KBTBD11: variants seen among roughly 807,000 people sequenced by gnomAD.
KBTBD11 encodes kelch repeat and BTB domain containing 11, also known as kelch repeat and BTB domain-containing protein 11.
For synonymous variants in KBTBD11, 747 were observed against 499.0 expected, an observed-to-expected ratio of 1.50 and a Z score of -6.63; for missense variants, 1,390 against 1,001.8, an observed-to-expected ratio of 1.39 and a Z score of -5.23.
At chr8:1,987,780 C>CT (rs1423502622) in intron 1 of KBTBD11, among the ~76,000 whole-genome samples, 1 of 151,914 alleles carries the variant, frequency 6.6e-6, no homozygotes, top group Non-Finnish European at 1.5e-5. Flanking sequence ...ATGTGCACAA[C>CT]TTGCAGGTTG....
Position 2,001,868 on chromosome 8 carries a change from G to T in KBTBD11, c.676G>T (p.Ala226Ser). 1 of 1,309,902 alleles carries T rather than the reference G, an allele frequency of 7.6e-7. No homozygotes were observed. The highest frequency in any genetic ancestry group is 9.8e-7 in the Non-Finnish European group (1 of 1,020,874). 81.1% of individuals were successfully genotyped at this position (1,309,902 alleles called of 1,614,324 possible). A position where few individuals can be genotyped will look rare whatever the true frequency, so the allele number is the denominator to read the frequency against. Residue 226 changes from alanine to serine, a missense_variant, in exon 2 of 2, where the codon GCC (alanine) becomes TCC (serine). Ala to Ser is a moderately conservative substitution (Grantham distance 99). Coordinates refer to ENST00000320248, the MANE Select transcript of KBTBD11 (RefSeq NM_014867.3). ...CGGCGCCGCGCAGCGCGCCACCGAC[G>T]CCGTGGGGCCGCAGCTGAGCCTGGC... The part of the protein sequence containing the change: ...LPGAAQRATD[A>S]VGPQLSLANC...
chr8:2,002,623 CGACGAGTGGCAG>C lies in KBTBD11; in HGVS notation c.1434_1445del (p.Asp478_Gln481del), dbSNP rs1563381654. 4 of 1,583,370 alleles carry C rather than the reference CGACGAGTGGCAG, an allele frequency of 2.5e-6. No homozygotes were observed. Among genetic ancestry groups the C allele is most frequent in the Non-Finnish European group, 3.4e-6 (4 of 1,173,558 alleles). ...GCCTGCTCAAGTATGACCCGCGGCG[CGACGAGTGGCAG>C]GAGTGCCCGTGCAGCAGCAGCCGCG... On this transcript the variant is annotated inframe_deletion, in exon 2 of 2. Coordinates refer to ENST00000320248, the MANE Select transcript of KBTBD11 (RefSeq NM_014867.3). The surrounding 1 kb of genome is among the most constrained non-coding windows in gnomAD (Gnocchi z 4.1).
chr8:1,993,577 C>G (rs1433648977), intron 1 of KBTBD11, among the ~76,000 whole-genome samples: 3 of 144,876 alleles, frequency 2.1e-5, no homozygotes, highest in Non-Finnish European at 4.5e-5. Flanking sequence ...ATCCATCCAT[C>G]CATCCATCCA....
At chr8:1,981,389 C>T (rs1327678501) in intron 1 of KBTBD11, among the ~76,000 whole-genome samples, 4 of 152,180 alleles carry the variant, frequency 2.6e-5, no homozygotes, top group Non-Finnish European at 5.9e-5. Flanking sequence ...CGGTTGAATT[C>T]ACAATACTCT....
chr8:2,002,482 G>C lies in KBTBD11; in HGVS notation c.1290G>C (p.Pro430=). Residue 430 remains proline (P), a synonymous_variant, in exon 2 of 2, where the codon CCG becomes CCC. Transcript: ENST00000320248. This position sits in a 1 kb window ranked among gnomAD's most constrained non-coding sequence, Gnocchi z 4.1. The stretch of plus-strand genomic sequence containing the variant: ...TGCTCAGCGTGGAGCGCTACGACCC[G>C]CGCGCCGACCGCTGGGCCCCCGTGG... ...ECLLSVERYD[P]RADRWAPVAP... 2.0e-6 allele frequency: 3 copies of C among 1,508,096 alleles called. No individual in the cohort carries two copies. Among genetic ancestry groups the C allele is most frequent in the East Asian group, 2.6e-5 (1 of 38,610 alleles). 93.4% of individuals were successfully genotyped at this position (1,508,096 alleles called of 1,614,324 possible). A position where few individuals can be genotyped will look rare whatever the true frequency, so the allele number is the denominator to read the frequency against.
chr8:1,992,310 G>A (rs1384129757), intron 1 of KBTBD11, among the ~76,000 whole-genome samples: 1 of 152,092 alleles, frequency 6.6e-6, no homozygotes, highest in Non-Finnish European at 1.5e-5. Flanking sequence ...CACAGTTCCT[G>A]CACACAGTAC....
intron 1 of KBTBD11, chr8:1,974,339 C>A (rs543421489): frequency 7.2e-4 from 713 of 984,592 alleles, no homozygotes; most frequent in African/African-American, 6.8e-3. Context: ...GTCACCGCCC[C>A]CGCCGAGGGT....
Position 2,004,336 on chromosome 8 carries a change from C to T in KBTBD11, c.*1272C>T, listed in dbSNP as rs942875560. Reference sequence around the variant, plus strand: ...ACTTTTCAAGTGTGTATACAGAGGACTTACTATTATGACTTTGAGGATGAG... The same window carrying T: ...ACTTTTCAAGTGTGTATACAGAGGATTTACTATTATGACTTTGAGGATGAG... On this transcript the variant is annotated 3_prime_UTR_variant, in exon 2 of 2. Transcript: ENST00000320248. 5 of 166,776 alleles carry T rather than the reference C, an allele frequency of 3.0e-5. No homozygotes were observed. Among genetic ancestry groups the T allele is most frequent in the Non-Finnish European group, 7.3e-5 (5 of 68,116 alleles). The allele number at this position is 166,776 out of a possible 1,614,324, so 10.3% of individuals were successfully genotyped here. A position where few individuals can be genotyped will look rare whatever the true frequency, so the allele number is the denominator to read the frequency against.
rs561621278 is a variant in KBTBD11 at position 2,006,850 on chromosome 8, T to A, written c.*3786T>A. ...TAATGTATTTATTAATGCTTGACTT[T>A]TAAAATCCTGGGCATAAATAGTGCA... On this transcript the variant is annotated 3_prime_UTR_variant, in exon 2 of 2. Transcript: ENST00000320248. The A allele has an allele frequency of 1.8e-5, 3 of 167,204 alleles. No homozygotes were observed. In the East Asian group the frequency reaches 5.8e-4, roughly 32 times the overall value. The allele number at this position is 167,204 out of a possible 1,614,324, so 10.4% of individuals were successfully genotyped here.
chr8:1,985,481 C>T (rs1239493787), intron 1 of KBTBD11, among the ~76,000 whole-genome samples: 1 of 152,278 alleles, frequency 6.6e-6, no homozygotes, highest in African/African-American at 2.4e-5. Flanking sequence ...TGGCGCCCGG[C>T]GCCCGGCAAG....
rs1817474445 is a variant in KBTBD11 at position 2,003,420 on chromosome 8, G to C, written c.*356G>C. On this transcript the variant is annotated 3_prime_UTR_variant, in exon 2 of 2. Transcript: ENST00000320248. ...TGTCCCGAACCCCGCAGAGCACCGA[G>C]GCTGTGCGCAGGAGCCTGGGACCCT... 1 of 218,520 alleles carries C rather than the reference G, an allele frequency of 4.6e-6. No homozygotes were observed. Among genetic ancestry groups the C allele is most frequent in the South Asian group, 1.9e-4 (1 of 5,302 alleles). 13.5% of individuals were successfully genotyped at this position (218,520 alleles called of 1,614,324 possible). A position where few individuals can be genotyped will look rare whatever the true frequency, so the allele number is the denominator to read the frequency against.
intron 1 of KBTBD11, among the ~76,000 whole-genome samples, chr8:1,997,336 C>T (rs1341864331): frequency 6.6e-6 from 1 of 151,724 alleles, no homozygotes; most frequent in Non-Finnish European, 1.5e-5. Flanking sequence ...CAGAGGACTG[C>T]TAGACCCAAA....
intron 1 of KBTBD11, among the ~76,000 whole-genome samples, chr8:1,992,690 ATACTT>A (rs1816963148): frequency 6.6e-6 from 1 of 152,022 alleles, no homozygotes; most frequent in African/African-American, 2.4e-5. Flanking sequence ...AAGTTGGTCT[ATACTT>A]TAAAACCCAC....
rs1272429663 is a variant in KBTBD11, at chr8:2,003,878, G to A, written c.*814G>A. 1 of 166,930 alleles carries A rather than the reference G, an allele frequency of 6.0e-6. No individual in the cohort carries two copies. Among genetic ancestry groups the A allele is most frequent in the Non-Finnish European group, 1.5e-5 (1 of 68,126 alleles). 10.3% of individuals were successfully genotyped at this position (166,930 alleles called of 1,614,324 possible). A position where few individuals can be genotyped will look rare whatever the true frequency, so the allele number is the denominator to read the frequency against. The stretch of plus-strand genomic sequence containing the variant: ...CATCATAAGTAGGAAAAACTTACCA[G>A]GGTGCTTGTCTATCTAAAAAGCAAT... On this transcript the variant is annotated 3_prime_UTR_variant, in exon 2 of 2. Transcript: ENST00000320248.
Position 2,002,877 on chromosome 8 carries a change from T to C in KBTBD11, c.1685T>C (p.Ile562Thr). 1 of 1,340,558 alleles carries C rather than the reference T, an allele frequency of 7.5e-7. No homozygotes were observed. Among genetic ancestry groups the C allele is most frequent in the Non-Finnish European group, 9.5e-7 (1 of 1,051,700 alleles). The allele number at this position is 1,340,558 out of a possible 1,614,324, so 83.0% of individuals were successfully genotyped here. Residue 562 changes from isoleucine (I) to threonine (T), a missense_variant, in exon 2 of 2, where the codon ATC becomes ACC. Ile to Thr is a moderately conservative substitution (Grantham distance 89). Transcript: ENST00000320248. The surrounding 1 kb of genome is among the most constrained non-coding windows in gnomAD (Gnocchi z 4.1). The part of the protein sequence containing the change: ...PFRCAALDGA[I>T]YCVSRAGTWR... ...CGCTGCGCCGCCCTGGACGGCGCCA[T>C]CTACTGCGTGAGCCGCGCGGGCACC...
At chr8:1,984,322 A>G (rs1387794342) in intron 1 of KBTBD11, among the ~76,000 whole-genome samples, 1 of 115,946 alleles carries the variant, frequency 8.6e-6, no homozygotes, top group Non-Finnish European at 1.6e-5. Flanking sequence ...AGAGTCTTGC[A>G]CTTTCACCCA....
intron 1 of KBTBD11, among the ~76,000 whole-genome samples, chr8:1,978,063 G>C (rs1454983477): frequency 6.6e-6 from 1 of 152,154 alleles, no homozygotes; most frequent in African/African-American, 2.4e-5. Flanking sequence ...ATAGGTAAAC[G>C]TGTGCCATGG....
At position 2,003,106 on chromosome 8, in the gene KBTBD11, G is replaced by A. The variant is rs2129317149; in HGVS notation, c.*42G>A. 2.4e-6 allele frequency: 3 copies of A among 1,257,976 alleles called. No homozygotes were observed. The highest frequency in any genetic ancestry group is 3.3e-5 in the South Asian group (1 of 29,938). The allele number at this position is 1,257,976 out of a possible 1,614,324, so 77.9% of individuals were successfully genotyped here. ...GGCGTCTCCCTCGGCAGGGGTTTGC[G>A]GGGCCCAGGTCCCTTTGGGCCCGCG... On this transcript the variant is annotated 3_prime_UTR_variant, in exon 2 of 2. Coordinates refer to ENST00000320248, the MANE Select transcript of KBTBD11 (RefSeq NM_014867.3).
In KBTBD11 at chr8:2,001,662, T is replaced by C; in HGVS notation, c.470T>C (p.Val157Ala). ...SGRRLRAHKA[V>A]LAARSDYFRA... is the part of the protein sequence containing the mutation. ...CGCCGGCTGCGCGCGCACAAGGCGG[T>C]GCTGGCGGCGCGCAGCGACTACTTC... Residue 157 changes from valine (V) to alanine (A), a missense_variant, in exon 2 of 2, where the codon GTG becomes GCG. Transcript: ENST00000320248. 6.8e-7 allele frequency: 1 copy of C among 1,467,770 alleles called. No individual in the cohort carries two copies. The highest frequency in any genetic ancestry group is 9.0e-7 in the Non-Finnish European group (1 of 1,114,730). 90.9% of individuals were successfully genotyped at this position (1,467,770 alleles called of 1,614,324 possible). A position where few individuals can be genotyped will look rare whatever the true frequency, so the allele number is the denominator to read the frequency against.
Sources: gnomAD v4.1 joint callset for allele counts (sites outside exome capture counted in the v4.1 genomes callset) on GRCh38, gnomAD v4.1.1 for gene constraint, Gnocchi (gnomAD v3.1) non-coding constraint, MANE v1.5 for transcripts, NCBI Gene and HGNC (gene_info 2026-07-23, HGNC 2026-07-21) for gene names.